The following ABHD3 variants were observed in gnomAD, a reference collection of about 807,000 sequenced individuals.
ABHD3 encodes the protein abhydrolase domain containing 3, phospholipase, also known as phospholipase ABHD3.
A neutral mutation model predicts 48.8 loss-of-function variants in ABHD3; 46 were observed. The observed-to-expected ratio is 0.94, with a 90% CI of 0.74 to 1.20. The LOEUF (loss-of-function observed/expected upper bound fraction) is 1.20, where lower values mean the gene tolerates loss of function less well. ABHD3 is among the 50% of genes most tolerant of loss of function. The pLI is 0.00. For synonymous variants in ABHD3, 192 were observed against 183.7 expected, an observed-to-expected ratio of 1.04 and a Z score of -0.36; for missense variants, 490 against 497.8, an observed-to-expected ratio of 0.98 and a Z score of 0.15.
At chr18:21,658,383 A>T (rs2039404898) in intron 6 of ABHD3, among the ~76,000 whole-genome samples, 1 of 152,214 alleles carries the variant, frequency 6.6e-6, no homozygotes, top group South Asian at 2.1e-4. Flanking sequence ...GAGCTGTATT[A>T]TTCAGCAATG....
chr18:21,670,732 A>G (rs1049714926), intron 4 of ABHD3, among the ~76,000 whole-genome samples: 1 of 152,154 alleles, frequency 6.6e-6, no homozygotes, highest in African/African-American at 2.4e-5. Flanking sequence ...TGTCACAAGA[A>G]GGCTGGGCAT....
At chr18:21,701,666 A>C (rs369490846) in intron 3 of ABHD3, 82 of 152,330 alleles carry the variant, frequency 5.4e-4, no homozygotes, top group African/African-American at 1.9e-3. Context: ...AGTACCTTTT[A>C]TAATGACTCT....
At chr18:21,693,758 A>G (rs1472619300) in intron 3 of ABHD3, among the ~76,000 whole-genome samples, 1 of 152,230 alleles carries the variant, frequency 6.6e-6, no homozygotes, top group African/African-American at 2.4e-5. Flanking sequence ...CTTATTCCCA[A>G]AAGTTTAAAA....
intron 3 of ABHD3, among the ~76,000 whole-genome samples, chr18:21,688,256 A>G (rs2040172105): frequency 6.6e-6 from 1 of 152,228 alleles, no homozygotes; most frequent in Admixed American, 6.5e-5. Flanking sequence ...TAATTTTATC[A>G]GGCAATCTGA....
chr18:21,702,575 C>A, intron 2 of ABHD3, 77 bp from the exon 3 acceptor site: 1 of 1,240,168 alleles, frequency 8.1e-7, no homozygotes, highest in Non-Finnish European at 1.1e-6. Context: ...AAACACATGA[C>A]ATTATTTGCT....
At chr18:21,691,622 GAA>G (rs1168118902) in intron 3 of ABHD3, among the ~76,000 whole-genome samples, 2 of 152,162 alleles carry the variant, frequency 1.3e-5, no homozygotes, top group Admixed American at 6.5e-5. Flanking sequence ...TGGTAATGGA[GAA>G]CACTGAAAGT....
At chr18:21,691,454 A>G (rs2040250143) in intron 3 of ABHD3, among the ~76,000 whole-genome samples, 1 of 152,236 alleles carries the variant, frequency 6.6e-6, no homozygotes, top group South Asian at 2.1e-4. Flanking sequence ...TCAAGAAATG[A>G]TGCTATCTAA....
At chr18:21,694,835 T>C (rs2146332029) in intron 3 of ABHD3, among the ~76,000 whole-genome samples, 1 of 152,250 alleles carries the variant, frequency 6.6e-6, no homozygotes, top group South Asian at 2.1e-4. Context: ...AAGTTGTATG[T>C]GACACCGCTG....
At chr18:21,680,023 T>C (rs1216864797) in intron 4 of ABHD3, among the ~76,000 whole-genome samples, 3 of 150,854 alleles carry the variant, frequency 2.0e-5, no homozygotes, top group African/African-American at 2.4e-5. Flanking sequence ...TTTCTTTTTG[T>C]TTGTTTTTGA....
intron 3 of ABHD3, among the ~76,000 whole-genome samples, chr18:21,685,308 C>T (rs1391075403): frequency 1.3e-5 from 2 of 152,232 alleles, no homozygotes; most frequent in East Asian, 1.9e-4. Context: ...AGAACATACA[C>T]AACTCTGAGT....
chr18:21,671,330 G>A (rs2039753414), intron 4 of ABHD3, among the ~76,000 whole-genome samples: 1 of 152,094 alleles, frequency 6.6e-6, no homozygotes, highest in Non-Finnish European at 1.5e-5. Context: ...CTTCACAGGA[G>A]CTGAAGTTAG....
At chr18:21,665,249 A>C (rs1016223342) in intron 4 of ABHD3, among the ~76,000 whole-genome samples, 4 of 151,566 alleles carry the variant, frequency 2.6e-5, no homozygotes, top group Admixed American at 6.6e-5. Context: ...CTGGCCAAAA[A>C]AAATTTTTTT....
intron 4 of ABHD3, among the ~76,000 whole-genome samples, chr18:21,667,694 T>C (rs1461221338): frequency 6.6e-6 from 1 of 152,126 alleles, no homozygotes; most frequent in East Asian, 1.9e-4. Context: ...TATTGGATCA[T>C]TAAATTTGTG....
intron 4 of ABHD3, among the ~76,000 whole-genome samples, chr18:21,673,975 A>G (rs1272836783): frequency 6.6e-6 from 1 of 152,132 alleles, no homozygotes; most frequent in Non-Finnish European, 1.5e-5. Flanking sequence ...CTCTGCAACA[A>G]GAGAATAAGT....
At chr18:21,673,542 C>T (rs1258859366) in intron 4 of ABHD3, 1 of 152,398 alleles carries the variant, frequency 6.6e-6, no homozygotes, top group Non-Finnish European at 1.5e-5. Flanking sequence ...GATCCACCCG[C>T]CTTGGCCTCC....
intron 4 of ABHD3, among the ~76,000 whole-genome samples, chr18:21,669,331 C>A (rs1182123828): frequency 6.6e-6 from 1 of 152,172 alleles, no homozygotes; most frequent in Non-Finnish European, 1.5e-5. Context: ...TCATAGTCGG[C>A]CTCCTGCTAG....
intron 3 of ABHD3, among the ~76,000 whole-genome samples, chr18:21,697,019 T>C (rs1042854446): frequency 5.3e-5 from 8 of 152,018 alleles, no homozygotes; most frequent in African/African-American, 1.2e-4. Flanking sequence ...CCAGTGAAGA[T>C]GGACAGGTTA....
chr18:21,669,406 C>T (rs1051317653), intron 4 of ABHD3, among the ~76,000 whole-genome samples: 2 of 152,116 alleles, frequency 1.3e-5, no homozygotes, highest in Admixed American at 1.3e-4. Flanking sequence ...TCCCCCAACC[C>T]CAAATGCAGG....
chr18:21,703,050 G>T (rs2040547194), intron 2 of ABHD3, among the ~76,000 whole-genome samples: 1 of 152,140 alleles, frequency 6.6e-6, no homozygotes. Flanking sequence ...ATGACTAAGG[G>T]AAATTAATAA....
Sources: allele counts gnomAD v4.1 joint callset (sites outside exome capture counted in the v4.1 genomes callset), GRCh38; gene constraint gnomAD v4.1.1; transcripts MANE v1.5; gene names NCBI Gene and HGNC (gene_info 2026-07-23, HGNC 2026-07-21).